Variants in NUDT13 observed in about 807,000 individuals in gnomAD.
NUDT13 encodes nudix hydrolase 13.
A neutral mutation model predicts 41.7 loss-of-function variants in NUDT13; 40 were observed. That is an observed-to-expected ratio of 0.96 (90% CI 0.75 to 1.25). NUDT13 has a LOEUF of 1.25. Ranked by LOEUF, NUDT13 falls within the 50% of genes most tolerant of loss-of-function variation. The pLI is 0.00. For missense variants in NUDT13, 390 were observed against 416.1 expected (o/e 0.94, Z 0.55); for synonymous variants, 145 against 155.5 (o/e 0.93, Z 0.50).
intron 8 of NUDT13, among the ~76,000 whole-genome samples, chr10:73,129,777 A>G (rs921360151): frequency 6.6e-6 from 1 of 151,846 alleles, no homozygotes; most frequent in African/African-American, 2.4e-5. Context: ...CAGGAGTTCA[A>G]AAACATCCTG....
At chr10:73,118,563 C>G in intron 2 of NUDT13, among the ~76,000 whole-genome samples, 1 of 152,188 alleles carries the variant, frequency 6.6e-6, no homozygotes, top group East Asian at 1.9e-4. Flanking sequence ...GGGAGAGACT[C>G]AGCCCACCCT....
rs141003258 is a variant in NUDT13 at position 73,111,958 on chromosome 10, TA to T, written c.-10+1396del. 2.5e-3 allele frequency among the ~76,000 whole-genome samples: 373 copies of T among 152,118 alleles called. 8 individuals carry two copies. Among genetic ancestry groups the T allele is most frequent in the African/African-American group, 8.1e-3 (338 of 41,486 alleles). ...TTTCAGTACAGAAAAATGAACAAAA[TA>T]AAAATTACAGGCACCTTTTTCAATA... On this transcript the variant is annotated intron_variant, in intron 1 of 8. Coordinates refer to ENST00000357321, the MANE Select transcript of NUDT13 (RefSeq NM_015901.6).
At chr10:73,128,321 C>T (rs1842840379) in intron 8 of NUDT13, among the ~76,000 whole-genome samples, 1 of 152,074 alleles carries the variant, frequency 6.6e-6, no homozygotes, top group African/African-American at 2.4e-5. Context: ...AGTAGGTGCA[C>T]CAACTTACAT....
In NUDT13 at chr10:73,125,381, C is replaced by T. The variant is rs763439614; in HGVS notation, c.592-17C>T. On this transcript the variant is annotated splice_polypyrimidine_tract_variant and intron_variant, in intron 6 of 8. Coordinates refer to ENST00000357321, the MANE Select transcript of NUDT13 (RefSeq NM_015901.6). ...GCCCAAAGTGCCAGCATCTCAGTTTCCATTCCCCTTTCCTAGATGGCTCCT... is the reference window on the plus strand; with the variant it reads ...GCCCAAAGTGCCAGCATCTCAGTTTTCATTCCCCTTTCCTAGATGGCTCCT... 6 of 1,613,082 alleles carry T rather than the reference C, an allele frequency of 3.7e-6. No individual in the cohort carries two copies. In the South Asian group the frequency reaches 6.6e-5, roughly 18 times the overall value.
chr10:73,126,039 A>G (rs1042068488), intron 7 of NUDT13: 1 of 207,096 alleles, frequency 4.8e-6, no homozygotes, highest in Non-Finnish European at 1.0e-5. Context: ...GTGAACACCC[A>G]TACACCCACT....
chr10:73,117,958 T>C (rs1265959685), intron 2 of NUDT13, among the ~76,000 whole-genome samples: 2 of 151,982 alleles, frequency 1.3e-5, no homozygotes, highest in Non-Finnish European at 2.9e-5. Context: ...TCCAGAGGAG[T>C]GTAAGGAACT....
Position 73,120,050 on chromosome 10 carries a change from C to A in NUDT13, c.116C>A (p.Ala39Glu). 1 of 1,614,110 alleles carries A rather than the reference C, an allele frequency of 6.2e-7. No homozygotes were observed. Among genetic ancestry groups the A allele is most frequent in the Non-Finnish European group, 8.5e-7 (1 of 1,179,976 alleles). ...YLFELKEDDDACKKAQQTGAF... is the reference protein window; with the variant it reads ...YLFELKEDDDECKKAQQTGAF... ...TTTGAACTGAAGGAAGATGATGATG[C>A]ATGTAAAAAAGCCCAGCAAACAGGA... Residue 39 changes from alanine to glutamate, a missense_variant, in exon 3 of 9, where the codon GCA becomes GAA. Transcript: ENST00000357321.
chr10:73,126,912 CTAGT>C, intron 8 of NUDT13, 85 bp downstream of exon 8: 1 of 1,158,796 alleles, frequency 8.6e-7, no homozygotes, highest in Non-Finnish European at 1.3e-6. Flanking sequence ...AAGCACTTGT[CTAGT>C]CCAGCATCAT....
chr10:73,123,488 CGAA>C (rs1348962305), intron 4 of NUDT13, among the ~76,000 whole-genome samples: 2 of 151,952 alleles, frequency 1.3e-5, no homozygotes, highest in Non-Finnish European at 2.9e-5. Flanking sequence ...GTTCTTGCCC[CGAA>C]GAAGATCTTG....
At position 73,114,441 on chromosome 10, in the gene NUDT13, A is replaced by G; in HGVS notation, c.76A>G (p.Lys26Glu). Reference sequence around the variant, plus strand: ...TAGGCTGCTGTCAACCTATGTTACTAAGACACGGTGAGTTTTAGCCAACCT... The same window carrying G: ...TAGGCTGCTGTCAACCTATGTTACTGAGACACGGTGAGTTTTAGCCAACCT... ...CYRLLSTYVT[K>E]TRYLFELKED... Residue 26 changes from lysine (K) to glutamate (E), a missense_variant, in exon 2 of 9, where the codon AAG (lysine) becomes GAG (glutamate). By Grantham distance (56) the Lys-to-Glu change is moderately conservative. Coordinates refer to ENST00000357321, the MANE Select transcript of NUDT13 (RefSeq NM_015901.6). The G allele has an allele frequency of 6.3e-7, 1 of 1,575,624 alleles. No individual in the cohort carries two copies. Among genetic ancestry groups the G allele is most frequent in the Non-Finnish European group, 8.7e-7 (1 of 1,155,828 alleles).
rs1032151212 is a variant in NUDT13 at position 73,130,749 on chromosome 10, A to G, written c.905A>G (p.His302Arg). ...RELETAAWFS[H>R]DEVATALKRK... ...TTAGAGACAGCTGCCTGGTTCAGTC[A>G]TGATGAGGTAGCCACAGCCCTGAAG... The change falls in exon 9 of 9, where the codon CAT becomes CGT. Residue 302 changes from histidine (H) to arginine (R), a missense_variant. Transcript: ENST00000357321. The G allele has an allele frequency of 6.2e-7, 1 of 1,614,040 alleles. No homozygotes were observed. Among genetic ancestry groups the G allele is most frequent in the Non-Finnish European group, 8.5e-7 (1 of 1,179,968 alleles).
intron 8 of NUDT13, 176 bp from the exon 9 acceptor site, chr10:73,130,527 A>G (rs1466109239): frequency 2.0e-6 from 1 of 504,392 alleles, no homozygotes. Context: ...TCATTTCTTA[A>G]TTATGCCTCT....
At chr10:73,126,896 C>A in intron 8 of NUDT13, 69 bp downstream of exon 8, 1 of 1,334,638 alleles carries the variant, frequency 7.5e-7, no homozygotes, top group Non-Finnish European at 1.1e-6. Context: ...TCAGCAAGTA[C>A]TTATTAAGCA....
At chr10:73,124,086 G>A (rs1328042441) in intron 4 of NUDT13, 128 bp from the exon 5 acceptor site, 15 of 637,490 alleles carry the variant, frequency 2.4e-5, no homozygotes, top group Non-Finnish European at 3.9e-5. Context: ...ACAGGCACAC[G>A]CCCCCCACAC....
At position 73,125,550 on chromosome 10, in the gene NUDT13, T is replaced by C. The variant is rs966566344; in HGVS notation, c.703+41T>C. 4 of 1,245,450 alleles carry C rather than the reference T, an allele frequency of 3.2e-6. 1 individual carries two copies. The highest frequency in any genetic ancestry group is 2.6e-5 in the South Asian group (2 of 77,556). 77.1% of individuals were successfully genotyped at this position (1,245,450 alleles called of 1,614,324 possible). A position where few individuals can be genotyped will look rare whatever the true frequency, so the allele number is the denominator to read the frequency against. On this transcript the variant is annotated intron_variant, in intron 7 of 8. Transcript: ENST00000357321. ...GATATACAGGTGACACTGGAAGATA[T>C]ACAATCTTACTAATACAATCTTCTC...
chr10:73,126,851 C>T (rs1259582994), intron 8 of NUDT13, 24 bp downstream of exon 8: 33 of 1,605,450 alleles, frequency 2.1e-5, no homozygotes, highest in Non-Finnish European at 2.6e-5. Flanking sequence ...TTCCCTTATA[C>T]TGTGATATTT....
intron 3 of NUDT13, among the ~76,000 whole-genome samples, chr10:73,121,848 AT>A (rs898776530): frequency 4.0e-5 from 6 of 151,162 alleles, no homozygotes; most frequent in Middle Eastern, 3.4e-3. Context: ...TGTGATACTT[AT>A]TTTTTTTTCA....
intron 2 of NUDT13, 78 bp from the exon 3 acceptor site, chr10:73,119,940 G>T: frequency 2.9e-6 from 4 of 1,387,840 alleles, no homozygotes; most frequent in Non-Finnish European, 4.1e-6. Context: ...GGGATGCAGC[G>T]ACAGCATTCT....
intron 1 of NUDT13, among the ~76,000 whole-genome samples, chr10:73,113,000 G>A (rs893648182): frequency 2.0e-5 from 3 of 152,072 alleles, no homozygotes; most frequent in African/African-American, 7.2e-5. Flanking sequence ...CGATTCTCCT[G>A]CCTCAGCCTC....
Sources: allele counts gnomAD v4.1 joint callset (sites outside exome capture counted in the v4.1 genomes callset), GRCh38; gene constraint gnomAD v4.1.1; transcripts MANE v1.5; gene names NCBI Gene and HGNC (gene_info 2026-07-23, HGNC 2026-07-21).